LRRK1: variants seen among roughly 807,000 people sequenced by gnomAD.
LRRK1 encodes leucine rich repeat kinase 1.
A neutral mutation model predicts 209.1 loss-of-function variants in LRRK1; 113 were observed. The observed-to-expected ratio is 0.54, with a 90% CI of 0.46 to 0.63. The LOEUF (loss-of-function observed/expected upper bound fraction) is 0.63. LRRK1 is among the 30% of genes least tolerant of loss of function. The pLI is 0.00. For synonymous variants in LRRK1, 1,144 were observed against 1,099.7 expected (o/e 1.04, Z -0.80); for missense variants, 2,284 against 2,632.2 (o/e 0.87, Z 2.89).
chr15:100,950,840 G>C (rs185244759), intron 2 of LRRK1, among the ~76,000 whole-genome samples: 37 of 152,034 alleles, frequency 2.4e-4, no homozygotes, highest in Middle Eastern at 3.4e-3. Context: ...GCGGTGGCTC[G>C]CGCCTGTCAT....
At chr15:101,066,604 A>G (rs2036543352) in intron 32 of LRRK1, 36 bp from the exon 33 acceptor site, 6 of 1,600,408 alleles carry the variant, frequency 3.7e-6, no homozygotes, top group Non-Finnish European at 4.3e-6. Flanking sequence ...ACGGCTACCG[A>G]CAAATCGCTT....
intron 31 of LRRK1, 72 bp from the exon 32 acceptor site, chr15:101,065,280 G>C: frequency 6.4e-7 from 1 of 1,552,804 alleles, no homozygotes; most frequent in Non-Finnish European, 8.7e-7. Flanking sequence ...GATGAGTCCA[G>C]TGCCTACTCT....
intron 19 of LRRK1, 145 bp from the exon 20 acceptor site, chr15:101,028,811 C>A: frequency 1.1e-6 from 1 of 907,828 alleles, no homozygotes; most frequent in Non-Finnish European, 1.7e-6. Context: ...GCTGCCAGCC[C>A]ACCTGAAGGG....
rs1330937946 is a variant in LRRK1, at chr15:100,948,843, C to T, written c.97+24114C>T. On this transcript the variant is annotated intron_variant, in intron 2 of 33. Transcript: ENST00000388948. ...GCGATGAATTAAAACAAAAACACAT[C>T]ACGCTAACACTTAAGGGATACAGCT... Among the ~76,000 whole-genome samples, 4 of 152,098 alleles carry T rather than the reference C, an allele frequency of 2.6e-5. No homozygotes were observed. The South Asian group carries it at 8.3e-4, about 32-fold the overall frequency.
rs1412681797 is a variant in LRRK1 at position 101,024,132 on chromosome 15, C to T, written c.2068-671C>T. On this transcript the variant is annotated intron_variant, in intron 15 of 33. Transcript: ENST00000388948. This position sits in a 1 kb window ranked among gnomAD's most constrained non-coding sequence, Gnocchi z 4.6. ...AGCCCGCCGCTCTCTCTGTGGCCGG[C>T]CTCAGCCAGTTGAGAACAGCTGTTT... Among the ~76,000 whole-genome samples, 1 of 152,168 alleles carries T rather than the reference C, an allele frequency of 6.6e-6. No homozygotes were observed. The highest frequency in any genetic ancestry group is 1.5e-5 in the Non-Finnish European group (1 of 68,030).
chr15:101,030,218 C>T (rs999894216), intron 20 of LRRK1, among the ~76,000 whole-genome samples: 3 of 152,172 alleles, frequency 2.0e-5, no homozygotes, highest in Admixed American at 1.3e-4. Context: ...CCAGGTACCT[C>T]TCCTGTCCTC....
At chr15:100,985,555 A>C (rs956382584) in intron 4 of LRRK1, among the ~76,000 whole-genome samples, 2 of 152,208 alleles carry the variant, frequency 1.3e-5, no homozygotes, top group African/African-American at 4.8e-5. Flanking sequence ...ATCAGGGGGC[A>C]GGGTAGGGTC....
At position 101,022,396 on chromosome 15, in the gene LRRK1, G is replaced by A; in HGVS notation, c.1866G>A (p.Met622Ile). The A allele has an allele frequency of 6.2e-7, 1 of 1,614,244 alleles. No individual in the cohort carries two copies. Among genetic ancestry groups the A allele is most frequent in the Non-Finnish European group, 8.5e-7 (1 of 1,180,034 alleles). ...GATTTTGCACAGGCCCCAAAGCAAT[G>A]CTGTCTTACCTGCGTGCTCAGCTGC... The part of the protein sequence containing the change: ...AEIQKEGPKA[M>I]LSYLRAQLRK... The change falls in exon 15 of 34, where the codon ATG (methionine) becomes ATA (isoleucine). Residue 622 changes from methionine (M) to isoleucine (I), a missense_variant. Met to Ile is a conservative substitution (Grantham distance 10, BLOSUM62 1). Transcript: ENST00000388948. The surrounding 1 kb of genome is among the most constrained non-coding windows in gnomAD (Gnocchi z 4.0).
At position 101,057,000 on chromosome 15, in the gene LRRK1, C is replaced by T. The variant is rs374925554; in HGVS notation, c.4477C>T (p.Arg1493Trp). ...VLGQPEEVQF[R>W]RLQALMMECW... is the part of the protein sequence containing the mutation. ...GGGGCAGCCGGAGGAAGTGCAGTTC[C>T]GGCGACTGCAGGCGCTCATGATGGA... The change falls in exon 28 of 34, where the codon CGG becomes TGG. Residue 1493 changes from arginine (R) to tryptophan (W), a missense_variant. By Grantham distance (101) the Arg-to-Trp change is moderately radical. Coordinates refer to ENST00000388948, the MANE Select transcript of LRRK1 (RefSeq NM_024652.6). 1.8e-5 allele frequency: 29 copies of T among 1,613,688 alleles called. No individual in the cohort carries two copies. The highest frequency in any genetic ancestry group is 2.2e-5 in the East Asian group (1 of 44,882).
At chr15:101,000,750 G>A (rs986310486) in intron 6 of LRRK1, among the ~76,000 whole-genome samples, 1 of 152,174 alleles carries the variant, frequency 6.6e-6, no homozygotes, top group Non-Finnish European at 1.5e-5. Context: ...AAGAACACCA[G>A]TCATGTTGGA....
chr15:101,076,126 T>C lies in LRRK1; in HGVS notation c.*7278T>C, dbSNP rs890580097. 1.3e-5 allele frequency: 2 copies of C among 152,226 alleles called. No individual in the cohort carries two copies. Among genetic ancestry groups the C allele is most frequent in the Non-Finnish European group, 2.9e-5 (2 of 68,050 alleles). The allele number at this position is 152,226 out of a possible 1,614,324, so 9.4% of individuals were successfully genotyped here. On this transcript the variant is annotated 3_prime_UTR_variant, in exon 34 of 34. Transcript: ENST00000388948. ...TTACACAAGAGCCAGGACCGCACCC[T>C]GTAGACCTTCTGTCCAAACAACTTG...
At chr15:100,994,066 C>A (rs1296150437) in intron 6 of LRRK1, among the ~76,000 whole-genome samples, 2 of 152,198 alleles carry the variant, frequency 1.3e-5, no homozygotes, top group African/African-American at 4.8e-5. Context: ...ATCATCTAAC[C>A]CTTACATCTA....
intron 2 of LRRK1, among the ~76,000 whole-genome samples, chr15:100,937,914 C>T (rs1289119529): frequency 1.3e-5 from 2 of 152,046 alleles, no homozygotes; most frequent in African/African-American, 4.8e-5. Flanking sequence ...GCAGTGGCGA[C>T]CTCTCGGCTC....
intron 4 of LRRK1, among the ~76,000 whole-genome samples, chr15:100,986,152 G>A (rs2031855378): frequency 6.6e-6 from 1 of 152,222 alleles, no homozygotes; most frequent in African/African-American, 2.4e-5. Flanking sequence ...GCTGCAGTCA[G>A]CTATGATCAC....
chr15:100,950,930 C>T (rs746986776), intron 2 of LRRK1, among the ~76,000 whole-genome samples: 18 of 152,062 alleles, frequency 1.2e-4, no homozygotes, highest in Non-Finnish European at 2.2e-4. Context: ...GGTGAAACGC[C>T]ATCTCTACTA....
rs1032895584 is a variant in LRRK1, at chr15:100,988,711, C to T, written c.511C>T (p.Leu171Phe). The change falls in exon 5 of 34, where the codon CTC (leucine) becomes TTC (phenylalanine). Residue 171 changes from leucine (L) to phenylalanine (F), a missense_variant. Physicochemically the swap from Leu to Phe is conservative, Grantham distance 22. This residue lies in a region of LRRK1 where 134 missense variants were observed against 191.7 expected (regional missense o/e 0.70). Coordinates refer to ENST00000388948, the MANE Select transcript of LRRK1 (RefSeq NM_024652.6). ...CQRGHLGVVK[L>F]LVLTHGADPE... ...GCGAGGGCACCTGGGGGTTGTGAAG[C>T]TCCTGGTCCTGACGCACGGGGCTGA... 1 of 1,614,104 alleles carries T rather than the reference C, an allele frequency of 6.2e-7. No homozygotes were observed. Among genetic ancestry groups the T allele is most frequent in the African/African-American group, 1.3e-5 (1 of 74,940 alleles).
intron 20 of LRRK1, among the ~76,000 whole-genome samples, chr15:101,036,756 C>A (rs1205683507): frequency 6.6e-6 from 1 of 151,644 alleles, no homozygotes; most frequent in African/African-American, 2.4e-5. Context: ...TTTGAATTTG[C>A]CTTCACAGGG....
rs562324255 is a variant in LRRK1 at position 100,956,723 on chromosome 15, A to G, written c.98-17081A>G. Among the ~76,000 whole-genome samples, 85 of 152,164 alleles carry G rather than the reference A, an allele frequency of 5.6e-4. 1 individual carries two copies. Among genetic ancestry groups the G allele is most frequent in the African/African-American group, 1.9e-3 (77 of 41,506 alleles). On this transcript the variant is annotated intron_variant, in intron 2 of 33. Coordinates refer to ENST00000388948, the MANE Select transcript of LRRK1 (RefSeq NM_024652.6). ...CATGATCTGCACTCCTTGGCCTCCC[A>G]AAGTGCTGGGATTGCAGGCGTGAGC...
At chr15:100,979,208 T>C (rs2031468486) in intron 3 of LRRK1, among the ~76,000 whole-genome samples, 1 of 152,140 alleles carries the variant, frequency 6.6e-6, no homozygotes, top group African/African-American at 2.4e-5. Flanking sequence ...CAAAAACTCT[T>C]AGAAAATTAA....
Sources: gnomAD v4.1 joint callset for allele counts (sites outside exome capture counted in the v4.1 genomes callset) on GRCh38, gnomAD v4.1.1 for gene constraint, gnomAD v4.1.1 regional missense constraint, Gnocchi (gnomAD v3.1) non-coding constraint, MANE v1.5 for transcripts, NCBI Gene and HGNC (gene_info 2026-07-23, HGNC 2026-07-21) for gene names.